The following NFATC1 variants were observed in gnomAD, a reference collection of about 807,000 sequenced individuals.
NFATC1 encodes the protein nuclear factor of activated T-cells, cytoplasmic 1.
Under a neutral mutation model 76.0 loss-of-function variants are expected in NFATC1, and 22 were observed. The observed-to-expected ratio is 0.29, with a 90% CI of 0.21 to 0.41. The LOEUF is 0.41. NFATC1 is among the 10% of genes least tolerant of loss of function. The pLI is 1.00. For synonymous variants in NFATC1, 704 were observed against 613.1 expected (o/e 1.15, Z -2.19); for missense variants, 1,357 against 1,337.7 (o/e 1.01, Z -0.23).
chr18:79,448,915 A>G lies in NFATC1; in HGVS notation c.1520A>G (p.His507Arg), dbSNP rs752198328. ...ITGKTVSTTSHEAILSNTKVL... is the reference protein window; with the variant it reads ...ITGKTVSTTSREAILSNTKVL... ...GGGAAGACCGTGTCCACCACCAGCCACGAGGCCATCCTCTCCAACACCAAA... is the reference window on the plus strand; with the variant it reads ...GGGAAGACCGTGTCCACCACCAGCCGCGAGGCCATCCTCTCCAACACCAAA... Residue 507 changes from histidine (H) to arginine (R), a missense_variant, in exon 4 of 10, where the codon CAC becomes CGC. By Grantham distance (29) the His-to-Arg change is conservative (BLOSUM62 0). This residue lies in a region of NFATC1 where 242 missense variants were observed against 329.2 expected (regional missense o/e 0.74). Transcript: ENST00000427363. 4 of 1,613,788 alleles carry G rather than the reference A, an allele frequency of 2.5e-6. No homozygotes were observed. In the East Asian group the frequency reaches 8.9e-5, roughly 36 times the overall value.
rs532203776 is a variant in NFATC1 at position 79,411,556 on chromosome 18, C to T, written c.1226+55C>T. On this transcript the variant is annotated intron_variant, in intron 2 of 9. Coordinates refer to ENST00000427363, the MANE Select transcript of NFATC1 (RefSeq NM_001278669.2). ...AGGCGAGGGGAGGCGCGGGGCGGGG[C>T]GGAACGCGGGGAGCGGGACGGGGGG... The T allele has an allele frequency of 1.5e-5, 16 of 1,070,530 alleles. 1 individual carries two copies. The highest frequency in any genetic ancestry group is 1.5e-4 in the South Asian group (5 of 33,750). The allele number at this position is 1,070,530 out of a possible 1,614,324, so 66.3% of individuals were successfully genotyped here. A position where few individuals can be genotyped will look rare whatever the true frequency, so the allele number is the denominator to read the frequency against.
intron 2 of NFATC1, among the ~76,000 whole-genome samples, chr18:79,424,547 C>T (rs907530515): frequency 6.6e-6 from 1 of 151,854 alleles, no homozygotes; most frequent in African/African-American, 2.4e-5. Flanking sequence ...GTCTCTCTCT[C>T]TGTCTCTGTC....
At chr18:79,425,159 CTCTGTCTCTCCA>C (rs1370537739) in intron 2 of NFATC1, among the ~76,000 whole-genome samples, 1 of 151,588 alleles carries the variant, frequency 6.6e-6, no homozygotes, top group Non-Finnish European at 1.5e-5. Context: ...CTCTCTCCGT[CTCTGTCTCTCCA>C]TCTGTCTCTC....
intron 2 of NFATC1, 91 bp from the exon 3 acceptor site, chr18:79,433,488 A>T: frequency 6.7e-7 from 1 of 1,493,234 alleles, no homozygotes; most frequent in Non-Finnish European, 9.3e-7. Context: ...TGAAGTGTCC[A>T]CCCAAGATGG....
chr18:79,425,003 G>GTCTGTC (rs2086254749), intron 2 of NFATC1, among the ~76,000 whole-genome samples: 1 of 128,268 alleles, frequency 7.8e-6, no homozygotes, highest in African/African-American at 3.0e-5. Flanking sequence ...CTATCTCTGT[G>GTCTGTC]TCTGTCTCTC....
intron 6 of NFATC1, among the ~76,000 whole-genome samples, chr18:79,453,423 C>A (rs1437262506): frequency 6.6e-6 from 1 of 152,272 alleles, no homozygotes; most frequent in East Asian, 1.9e-4. Context: ...GGGCAGCCAC[C>A]AGCCTGCGAG....
At position 79,411,301 on chromosome 18, in the gene NFATC1, G is replaced by A. The variant is rs747651150; in HGVS notation, c.1026G>A (p.Gln342=). ...PVKSRKTTLE[Q]PPSVALKVEP... ...AGTCCCGCAAGACCACCCTGGAGCAGCCGCCCTCAGTGGCGCTCAAGGTGG... is the reference window on the plus strand; with the variant it reads ...AGTCCCGCAAGACCACCCTGGAGCAACCGCCCTCAGTGGCGCTCAAGGTGG... Residue 342 remains glutamine (Q), a synonymous_variant, in exon 2 of 10, where the codon CAG becomes CAA. Transcript: ENST00000427363. 13 of 1,603,576 alleles carry A rather than the reference G, an allele frequency of 8.1e-6. No homozygotes were observed. In the South Asian group the frequency reaches 1.3e-4, roughly 16 times the overall value.
chr18:79,475,665 G>A (rs958244682), intron 8 of NFATC1, among the ~76,000 whole-genome samples: 2 of 152,244 alleles, frequency 1.3e-5, no homozygotes, highest in African/African-American at 4.8e-5. Flanking sequence ...AAACCTGAGG[G>A]AAAGGAATTC....
chr18:79,450,429 T>C (rs2087418249), intron 4 of NFATC1, among the ~76,000 whole-genome samples: 2 of 148,440 alleles, frequency 1.3e-5, no homozygotes, highest in South Asian at 4.2e-4. Context: ...ATTATAAATA[T>C]ATAATATTTA....
In NFATC1 at chr18:79,425,219, C is replaced by CTG. The variant is rs1568944874; in HGVS notation, c.1227-8359_1227-8358insGT. Among the ~76,000 whole-genome samples, 41 of 152,124 alleles carry CTG rather than the reference C, an allele frequency of 2.7e-4. 2 individuals carry two copies. Among genetic ancestry groups the CTG allele is most frequent in the African/African-American group, 9.7e-4 (40 of 41,436 alleles). ...TCTGTTTCTCTCCCTGTCTCTGTCT[C>CTG]TCTGTTTCTCTCCCTGTCTCTGTCT... On this transcript the variant is annotated intron_variant, in intron 2 of 9. Transcript: ENST00000427363.
chr18:79,486,217 G>A (rs371031959), intron 8 of NFATC1, 31 bp from the exon 9 acceptor site: 185 of 1,581,836 alleles, frequency 1.2e-4, no homozygotes, highest in Non-Finnish European at 1.5e-4. Flanking sequence ...CGCAACTTGT[G>A]TTTATTTAAT....
chr18:79,467,465 G>A lies in NFATC1; in HGVS notation c.1975G>A (p.Glu659Lys). The change falls in exon 8 of 10, where the codon GAG (glutamate) becomes AAG (lysine). Residue 659 changes from glutamate (E) to lysine (K), a missense_variant. Physicochemically the swap from Glu to Lys is moderately conservative, Grantham distance 56. Around this residue, in one of 3 missense-constraint regions of NFATC1, gnomAD observed 242 missense variants for 329.2 expected, o/e 0.74. Coordinates refer to ENST00000427363, the MANE Select transcript of NFATC1 (RefSeq NM_001278669.2). ...TCTCCTGTAGAATTCTCTGGTGGTT[G>A]AGATCCCGCCATTTCGGAATCAGAG... ...DLCKPNSLVV[E>K]IPPFRNQRIT... 1 of 1,605,140 alleles carries A rather than the reference G, an allele frequency of 6.2e-7. No homozygotes were observed. The highest frequency in any genetic ancestry group is 8.5e-7 in the Non-Finnish European group (1 of 1,173,754).
intron 3 of NFATC1, among the ~76,000 whole-genome samples, chr18:79,442,696 G>A (rs571048026): frequency 1.9e-4 from 29 of 152,302 alleles, no homozygotes; most frequent in Admixed American, 1.8e-3. Flanking sequence ...GCTCACGCTG[G>A]GTCCCTCCTG....
intron 1 of NFATC1, among the ~76,000 whole-genome samples, chr18:79,401,222 CCT>C (rs1283881150): frequency 1.6e-4 from 24 of 151,432 alleles, no homozygotes; most frequent in African/African-American, 3.9e-4. Flanking sequence ...ACCGTCCGCC[CCT>C]GTCTGTGCCC....
At position 79,504,105 on chromosome 18, in the gene NFATC1, T is replaced by G. The variant is rs980018789; in HGVS notation, c.2782+17168T>G. 4.6e-5 allele frequency among the ~76,000 whole-genome samples: 7 copies of G among 152,094 alleles called. No individual in the cohort carries two copies. The East Asian group carries it at 1.3e-3, about 29-fold the overall frequency. On this transcript the variant is annotated intron_variant, in intron 9 of 9. Coordinates refer to ENST00000427363, the MANE Select transcript of NFATC1 (RefSeq NM_001278669.2). ...TTCTCTGTATCAGCAATAAGGCTGT[T>G]CCGCCCTCTTATCATCGGTGTTGTT...
At chr18:79,409,028 CCATCCAT>C (rs565911687) in intron 1 of NFATC1, among the ~76,000 whole-genome samples, 6,938 of 67,020 alleles carry the variant, frequency 0.1, 930 homozygotes, top group East Asian at 0.25. Context: ...CATCCATCAT[CCATCCAT>C]CATCATCCAT....
rs369927902 is a variant in NFATC1, at chr18:79,450,828, A to G, written c.1590-126A>G. 6.9e-5 allele frequency: 83 copies of G among 1,195,084 alleles called. 1 individual carries two copies. In the African/African-American group the frequency reaches 9.5e-4, roughly 14 times the overall value. The allele number at this position is 1,195,084 out of a possible 1,614,324, so 74.0% of individuals were successfully genotyped here. A position where few individuals can be genotyped will look rare whatever the true frequency, so the allele number is the denominator to read the frequency against. Reference sequence around the variant, plus strand: ...GGTCTTGTTTTCCTTGGGGAAGGGGAGAGTGGCCAGCTGCCTGGCACGAGC... The same window carrying G: ...GGTCTTGTTTTCCTTGGGGAAGGGGGGAGTGGCCAGCTGCCTGGCACGAGC... On this transcript the variant is annotated intron_variant, in intron 4 of 9. Transcript: ENST00000427363.
In NFATC1 at chr18:79,484,685, G is replaced by A. The variant is rs575293814; in HGVS notation, c.2093-1563G>A. Among the ~76,000 whole-genome samples, 37 of 152,350 alleles carry A rather than the reference G, an allele frequency of 2.4e-4. No individual in the cohort carries two copies. The South Asian group carries it at 7.7e-3, about 32-fold the overall frequency. On this transcript the variant is annotated intron_variant, in intron 8 of 9. Coordinates refer to ENST00000427363, the MANE Select transcript of NFATC1 (RefSeq NM_001278669.2). ...CAGCAACTCCACTCGGAATCCCTGG[G>A]TGGAAAGCTCTGGTTGACTTCCTGC... is the stretch of plus-strand genomic sequence containing the variant.
chr18:79,479,373 G>A (rs1417413654), intron 8 of NFATC1, among the ~76,000 whole-genome samples: 1 of 150,698 alleles, frequency 6.6e-6, no homozygotes, highest in Non-Finnish European at 1.5e-5. Context: ...GGGCCTGTGC[G>A]GCCCCCCTCC....
Sources: gnomAD v4.1 joint callset for allele counts (sites outside exome capture counted in the v4.1 genomes callset) on GRCh38, gnomAD v4.1.1 for gene constraint, gnomAD v4.1.1 regional missense constraint, MANE v1.5 for transcripts, NCBI Gene and HGNC (gene_info 2026-07-23, HGNC 2026-07-21) for gene names.